CEP170B: variants seen among roughly 807,000 people sequenced by gnomAD.
CEP170B encodes the protein centrosomal protein 170B, also known as centrosomal protein of 170 kDa protein B.
A neutral mutation model predicts 120.6 loss-of-function variants in CEP170B; 55 were observed. The observed-to-expected ratio is 0.46, with a 90% confidence interval of 0.37 to 0.57. The LOEUF (loss-of-function observed/expected upper bound fraction) is 0.57. Ranked by LOEUF, CEP170B falls within the 20% of genes least tolerant of loss-of-function variation. The pLI is 0.00. For synonymous variants in CEP170B, 1,033 were observed against 954.5 expected (o/e 1.08, Z -1.52); for missense variants, 2,212 against 2,253.3 (o/e 0.98, Z 0.37).
rs1895844513 is a variant in CEP170B, at chr14:104,876,341, A to G, written c.191A>G (p.Asn64Ser). ...EHWVKDLGSL[N>S]GTFVNDMRIP... ...TGGGTGAAGGACCTGGGCAGCCTCA[A>G]TGGGGTAAGTGTGAGAGGCCCTGGC... Residue 64 changes from asparagine to serine, a missense_variant, in exon 3 of 19, where the codon AAT (asparagine) becomes AGT (serine). Asn to Ser is a conservative substitution (Grantham distance 46, BLOSUM62 1). Transcript: ENST00000414716. The G allele has an allele frequency of 7.1e-6, 11 of 1,550,714 alleles. No individual in the cohort carries two copies. Among genetic ancestry groups the G allele is most frequent in the Non-Finnish European group, 9.6e-6 (11 of 1,146,732 alleles).
chr14:104,877,833 G>GCCCCCCCCCCCCCC, intron 3 of CEP170B, 52 bp from the exon 4 acceptor site: 6 of 359,732 alleles, frequency 1.7e-5, no homozygotes, highest in Non-Finnish European at 2.2e-5. Context: ...CCTGCCCACA[G>GCCCCCCCCCCCCCC]CCACCCACCC....
intron 2 of CEP170B, among the ~76,000 whole-genome samples, chr14:104,871,300 G>C (rs1039746683): frequency 1.3e-5 from 2 of 152,220 alleles, no homozygotes; most frequent in Admixed American, 1.3e-4. Flanking sequence ...CCCAAGCTCG[G>C]TGGCTGAACC....
intron 8 of CEP170B, 86 bp downstream of exon 8, chr14:104,883,594 G>A (rs1896281488): frequency 1.5e-6 from 2 of 1,355,798 alleles, no homozygotes; most frequent in East Asian, 5.0e-5. Context: ...CCATGCAGAG[G>A]GGCCCATTCA....
At chr14:104,894,655 C>T (rs1896998964) in intron 18 of CEP170B, 56 bp from the exon 19 acceptor site, 2 of 1,583,676 alleles carry the variant, frequency 1.3e-6, no homozygotes, top group Non-Finnish European at 1.7e-6. Flanking sequence ...CCCTGACTCA[C>T]AGGGTGGGAG....
chr14:104,873,176 C>T (rs1388469172), intron 2 of CEP170B, among the ~76,000 whole-genome samples: 2 of 151,664 alleles, frequency 1.3e-5, no homozygotes, highest in African/African-American at 4.8e-5. Flanking sequence ...GTGAGAAAGC[C>T]CTGGCCGGGG....
In CEP170B at chr14:104,877,859, C is replaced by G. The variant is rs766433852; in HGVS notation, c.196-26C>G. The G allele has an allele frequency of 3.2e-4, 331 of 1,041,920 alleles. 9 individuals carry two copies. The highest frequency in any genetic ancestry group is 1.4e-3 in the East Asian group (45 of 32,530). The allele number at this position is 1,041,920 out of a possible 1,614,324, so 64.5% of individuals were successfully genotyped here. On this transcript the variant is annotated intron_variant, in intron 3 of 18. Coordinates refer to ENST00000414716, the MANE Select transcript of CEP170B (RefSeq NM_001112726.3). ...CCACCCACCCGCGCAGCTCCCCCCC[C>G]CCCCCCGCCACCTGTTTTCCTGCAG...
chr14:104,880,508 T>C, intron 6 of CEP170B, 83 bp downstream of exon 6: 2 of 1,549,470 alleles, frequency 1.3e-6, no homozygotes, highest in Non-Finnish European at 1.7e-6. Context: ...CTGCACCCCT[T>C]AACCCTCTGC....
At chr14:104,893,334 G>A (rs1896940946) in intron 14 of CEP170B, among the ~76,000 whole-genome samples, 189 bp from the exon 15 acceptor site, 1 of 152,242 alleles carries the variant, frequency 6.6e-6, no homozygotes, top group African/African-American at 2.4e-5. Context: ...TGGCACCTGA[G>A]TCAAGCCTGA....
At position 104,894,595 on chromosome 14, in the gene CEP170B, G is replaced by A. The variant is rs1368140467; in HGVS notation, c.4417+7G>A. 6.2e-7 allele frequency: 1 copy of A among 1,611,902 alleles called. No individual in the cohort carries two copies. Among genetic ancestry groups the A allele is most frequent in the East Asian group, 2.2e-5 (1 of 44,852 alleles). On this transcript the variant is annotated splice_region_variant and intron_variant, in intron 18 of 18. Coordinates refer to ENST00000414716, the MANE Select transcript of CEP170B (RefSeq NM_001112726.3). The stretch of plus-strand genomic sequence containing the variant: ...GTGCAGAAACAGCTGGAAGGTGAGT[G>A]TGGCCCAAGCCTGGGGCAGCAAGGG...
intron 6 of CEP170B, 88 bp downstream of exon 6, chr14:104,880,513 C>T (rs566772270): frequency 1.2e-5 from 18 of 1,537,716 alleles, no homozygotes; most frequent in Admixed American, 5.8e-5. Flanking sequence ...CCCCTTAACC[C>T]TCTGCATGCA....
At chr14:104,888,485 CAGGG>C (rs945357341) in intron 12 of CEP170B, among the ~76,000 whole-genome samples, 1 of 152,238 alleles carries the variant, frequency 6.6e-6, no homozygotes, top group Non-Finnish European at 1.5e-5. Flanking sequence ...GCCCCATGAC[CAGGG>C]AGGGAGGGAG....
In CEP170B at chr14:104,888,020, C is replaced by T. The variant is rs1349696879; in HGVS notation, c.3739+42C>T. ...GTGGGAGGCCAGGGCCAAGACAGGG[C>T]TGCCAGTGGGTCTGCAGCATCTTGG... On this transcript the variant is annotated intron_variant, in intron 12 of 18. Coordinates refer to ENST00000414716, the MANE Select transcript of CEP170B (RefSeq NM_001112726.3). 2.8e-6 allele frequency: 4 copies of T among 1,446,980 alleles called. No individual in the cohort carries two copies. In the African/African-American group the frequency reaches 5.7e-5, roughly 20 times the overall value. The allele number at this position is 1,446,980 out of a possible 1,614,324, so 89.6% of individuals were successfully genotyped here. A position where few individuals can be genotyped will look rare whatever the true frequency, so the allele number is the denominator to read the frequency against.
In CEP170B at chr14:104,887,188, G is replaced by T. The variant is rs755435874; in HGVS notation, c.2949G>T (p.Lys983Asn). Residue 983 changes from lysine to asparagine, a missense_variant, in exon 12 of 19, where the codon AAG (lysine) becomes AAT (asparagine). Lys to Asn is a moderately conservative substitution (Grantham distance 94, BLOSUM62 0). Around this residue, in one of 2 missense-constraint regions of CEP170B, gnomAD observed 2,166 missense variants for 2,166.7 expected, o/e 1.00. Transcript: ENST00000414716. ...PTTPQPLRAQKEMSPSPPAAQ... is the reference protein window; with the variant it reads ...PTTPQPLRAQNEMSPSPPAAQ... Reference sequence around the variant, plus strand: ...CCCCCCAGCCTCTGCGGGCACAGAAGGAGATGTCGCCATCCCCGCCAGCTG... The same window carrying T: ...CCCCCCAGCCTCTGCGGGCACAGAATGAGATGTCGCCATCCCCGCCAGCTG... The T allele has an allele frequency of 2.5e-6, 4 of 1,606,792 alleles. No individual in the cohort carries two copies. Among genetic ancestry groups the T allele is most frequent in the Non-Finnish European group, 3.4e-6 (4 of 1,179,732 alleles).
rs45529634 is a variant in CEP170B at position 104,895,862 on chromosome 14, C to A, written c.*904C>A. The stretch of plus-strand genomic sequence containing the variant: ...ACTGGAAGCCGGGTTTCCGGAAGCT[C>A]GCAGCTTGGCCTGCACCACACGCCC... On this transcript the variant is annotated 3_prime_UTR_variant, in exon 19 of 19. Transcript: ENST00000414716. The A allele has an allele frequency of 6.6e-6, 1 of 152,590 alleles. No individual in the cohort carries two copies. The highest frequency in any genetic ancestry group is 2.4e-5 in the African/African-American group (1 of 41,462). The allele number at this position is 152,590 out of a possible 1,614,324, so 9.5% of individuals were successfully genotyped here.
chr14:104,866,997 C>A (rs768875675), intron 1 of CEP170B, among the ~76,000 whole-genome samples: 1 of 152,196 alleles, frequency 6.6e-6, no homozygotes, highest in Non-Finnish European at 1.5e-5. Flanking sequence ...GCTCTGGGGC[C>A]GGCCTCACAG....
chr14:104,880,350 G>C lies in CEP170B; in HGVS notation c.397G>C (p.Ala133Pro). 6.2e-7 allele frequency: 1 copy of C among 1,612,332 alleles called. No individual in the cohort carries two copies. The highest frequency in any genetic ancestry group is 8.5e-7 in the Non-Finnish European group (1 of 1,179,552). ...VKGLAPKRSEALPEHTPYCEA... is the reference protein window; with the variant it reads ...VKGLAPKRSEPLPEHTPYCEA... Reference sequence around the variant, plus strand: ...GGGTTTGGCGCCCAAGAGGAGCGAGGCACTGCCGGAACACACACCATACTG... The same window carrying C: ...GGGTTTGGCGCCCAAGAGGAGCGAGCCACTGCCGGAACACACACCATACTG... The change falls in exon 6 of 19, where the codon GCA (alanine) becomes CCA (proline). Residue 133 changes from alanine to proline, a missense_variant. Ala to Pro is a conservative substitution (Grantham distance 27). This residue lies in a region of CEP170B where 2,166 missense variants were observed against 2,166.7 expected (regional missense o/e 1.00). Transcript: ENST00000414716.
chr14:104,887,572 C>T lies in CEP170B; in HGVS notation c.3333C>T (p.Arg1111=). The stretch of plus-strand genomic sequence containing the variant: ...AGAAGGGGCCGCAGGCCTTGACCCG[C>T]TCCAACAGCCTGTCCACCCCTCGCC... ...SSQKGPQALT[R]SNSLSTPRPT... Residue 1111 remains arginine (R), a synonymous_variant, in exon 12 of 19, where the codon CGC becomes CGT. Transcript: ENST00000414716. The T allele has an allele frequency of 6.3e-7, 1 of 1,594,822 alleles. No individual in the cohort carries two copies. Among genetic ancestry groups the T allele is most frequent in the Non-Finnish European group, 8.5e-7 (1 of 1,172,134 alleles).
In CEP170B at chr14:104,876,000, A is replaced by G. The variant is rs569801783; in HGVS notation, c.106-256A>G. Among the ~76,000 whole-genome samples the G allele has an allele frequency of 2.0e-3, 311 of 152,186 alleles. 1 individual carries two copies. Among genetic ancestry groups the G allele is most frequent in the Middle Eastern group, 0.01 (3 of 294 alleles). On this transcript the variant is annotated intron_variant, in intron 2 of 18. Coordinates refer to ENST00000414716, the MANE Select transcript of CEP170B (RefSeq NM_001112726.3). ...TGACCAGAGGGCTCCCAGCACTCCC[A>G]CGGCCCAGCGGGGAGCATCTCTGGG...
rs975926745 is a variant in CEP170B at position 104,870,061 on chromosome 14, G to T, written c.105+1506G>T. Among the ~76,000 whole-genome samples, 1 of 152,100 alleles carries T rather than the reference G, an allele frequency of 6.6e-6. No homozygotes were observed. Among genetic ancestry groups the T allele is most frequent in the Non-Finnish European group, 1.5e-5 (1 of 68,028 alleles). ...TTCTCTTTTCTTTATGCCTTTGGTA[G>T]CGGGAGAGAGTCGGTGGCTGGGGGC... On this transcript the variant is annotated intron_variant, in intron 2 of 18. Coordinates refer to ENST00000414716, the MANE Select transcript of CEP170B (RefSeq NM_001112726.3). This position sits in a 1 kb window ranked among gnomAD's most constrained non-coding sequence, Gnocchi z 4.1.
Sources: gnomAD v4.1 joint callset for allele counts (sites outside exome capture counted in the v4.1 genomes callset) on GRCh38, gnomAD v4.1.1 for gene constraint, gnomAD v4.1.1 regional missense constraint, Gnocchi (gnomAD v3.1) non-coding constraint, MANE v1.5 for transcripts, NCBI Gene and HGNC (gene_info 2026-07-23, HGNC 2026-07-21) for gene names.